Variants in TBC1D16 observed in about 807,000 individuals in gnomAD.
TBC1D16 encodes the protein TBC1 domain family member 16, also known as CTD-2529O21.1.
In TBC1D16, 58 loss-of-function variants were observed where a neutral mutation model predicts 74.7. The ratio of observed to expected loss-of-function variants is 0.78; its 90% CI spans 0.63 to 0.97. The LOEUF (loss-of-function observed/expected upper bound fraction) is 0.97, where lower values mean the gene tolerates loss of function less well. TBC1D16 is among the 50% of genes least tolerant of loss of function. The probability of loss-of-function intolerance (pLI) is 0.00; values close to 1 mark genes in which losing one functional copy is unlikely to be tolerated. For synonymous variants in TBC1D16, 493 were observed against 474.7 expected (o/e 1.04, Z -0.50); for missense variants, 1,014 against 1,079.5 (o/e 0.94, Z 0.85).
In TBC1D16 at chr17:79,951,731, T is replaced by G. The variant is rs566127726; in HGVS notation, c.942-134A>C. On this transcript the variant is annotated intron_variant, in intron 4 of 11. Coordinates refer to ENST00000310924, the MANE Select transcript of TBC1D16 (RefSeq NM_019020.4). Reference sequence around the variant, plus strand: ...AACAGTGAGTCCCAGTGGAGTTGGCTGCTAGCGGGAGGGGACAGAACTACA... The same window carrying G: ...AACAGTGAGTCCCAGTGGAGTTGGCGGCTAGCGGGAGGGGACAGAACTACA... 1.9e-5 allele frequency: 21 copies of G among 1,104,038 alleles called. No homozygotes were observed. In the Admixed American group the frequency reaches 2.3e-4, roughly 12 times the overall value. The allele number at this position is 1,104,038 out of a possible 1,614,324, so 68.4% of individuals were successfully genotyped here. A position where few individuals can be genotyped will look rare whatever the true frequency, so the allele number is the denominator to read the frequency against.
intron 3 of TBC1D16, among the ~76,000 whole-genome samples, chr17:79,960,776 AC>A (rs112420611): frequency 1.8e-5 from 2 of 109,168 alleles, no homozygotes; most frequent in Non-Finnish European, 3.7e-5. Flanking sequence ...AAAAACAAAA[AC>A]CCAAAAAAAA....
chr17:79,949,805 G>A lies in TBC1D16; in HGVS notation c.1318C>T (p.Arg440Cys). The change falls in exon 7 of 12, where the codon CGC becomes TGC. Residue 440 changes from arginine to cysteine, a missense_variant. Physicochemically the swap from Arg to Cys is radical, Grantham distance 180. Coordinates refer to ENST00000310924, the MANE Select transcript of TBC1D16 (RefSeq NM_019020.4). ...IRGEVWPFLL[R>C]YYSHESTSEE... ...GACGTGGACTCGTGGCTGTAATAGC[G>A]CAGCAGGAAGGGCCAGACCTCCCCG... 6.2e-7 allele frequency: 1 copy of A among 1,613,806 alleles called. No homozygotes were observed. The highest frequency in any genetic ancestry group is 8.5e-7 in the Non-Finnish European group (1 of 1,179,972).
At position 79,950,028 on chromosome 17, in the gene TBC1D16, T is replaced by C. The variant is rs996294563; in HGVS notation, c.1258-163A>G. On this transcript the variant is annotated intron_variant, in intron 6 of 11. Coordinates refer to ENST00000310924, the MANE Select transcript of TBC1D16 (RefSeq NM_019020.4). This position sits in a 1 kb window ranked among gnomAD's most constrained non-coding sequence, Gnocchi z 4.6. Reference sequence around the variant, plus strand: ...GGAAAGCAGTGGCCTTCAATTCCCATACAGGACACAAACCCGGCTCATTTC... The same window carrying C: ...GGAAAGCAGTGGCCTTCAATTCCCACACAGGACACAAACCCGGCTCATTTC... Among the ~76,000 whole-genome samples, 2 of 152,172 alleles carry C rather than the reference T, an allele frequency of 1.3e-5. No homozygotes were observed. Among genetic ancestry groups the C allele is most frequent in the African/African-American group, 2.4e-5 (1 of 41,442 alleles).
Position 79,950,248 on chromosome 17 carries a change from T to G in TBC1D16, c.1257+163A>C, listed in dbSNP as rs2032936168. 6.6e-6 allele frequency among the ~76,000 whole-genome samples: 1 copy of G among 152,140 alleles called. No individual in the cohort carries two copies. The highest frequency in any genetic ancestry group is 1.5e-5 in the Non-Finnish European group (1 of 68,004). On this transcript the variant is annotated intron_variant, in intron 6 of 11. Coordinates refer to ENST00000310924, the MANE Select transcript of TBC1D16 (RefSeq NM_019020.4). This position sits in a 1 kb window ranked among gnomAD's most constrained non-coding sequence, Gnocchi z 4.6. ...CAACGCAGCAGCTTTGATTGCTTTA[T>G]CGGTGTGTTCACAGAGAGCCTCACA... is the stretch of plus-strand genomic sequence containing the variant.
rs1298104856 is a variant in TBC1D16 at position 80,010,748 on chromosome 17, C to G, written c.191G>C (p.Cys64Ser). 6.7e-7 allele frequency: 1 copy of G among 1,492,558 alleles called. No homozygotes were observed. The highest frequency in any genetic ancestry group is 1.4e-5 in the African/African-American group (1 of 71,440). The allele number at this position is 1,492,558 out of a possible 1,614,324, so 92.5% of individuals were successfully genotyped here. Residue 64 changes from cysteine (C) to serine (S), a missense_variant, in exon 3 of 12, where the codon TGC becomes TCC. Coordinates refer to ENST00000310924, the MANE Select transcript of TBC1D16 (RefSeq NM_019020.4). This position sits in a 1 kb window ranked among gnomAD's most constrained non-coding sequence, Gnocchi z 8.8. ...GLGEHHPGYL[C>S]LYMEKDEMLG... ...CATCTCATCCTTCTCCATGTACAAG[C>G]ACAGGTAACCTGTGAGGAGCCAGGG...
At position 79,934,836 on chromosome 17, in the gene TBC1D16, C is replaced by A; in HGVS notation, c.*6023G>T. On this transcript the variant is annotated 3_prime_UTR_variant, in exon 12 of 12. Coordinates refer to ENST00000310924, the MANE Select transcript of TBC1D16 (RefSeq NM_019020.4). ...TAAGAGGTATGTTCCCCTCCAGCCC[C>A]CGCCCCCAGGCAAAAGGGGAAAAGA... The A allele has an allele frequency of 6.6e-6, 1 of 152,574 alleles. No individual in the cohort carries two copies. 9.5% of individuals were successfully genotyped at this position (152,574 alleles called of 1,614,324 possible). A position where few individuals can be genotyped will look rare whatever the true frequency, so the allele number is the denominator to read the frequency against.
Position 79,952,699 on chromosome 17 carries a change from C to T in TBC1D16, c.899G>A (p.Arg300His), listed in dbSNP as rs760596832. Reference protein sequence around the residue: ...CALEQICGVFRVDLGHMRSLR... With the variant: ...CALEQICGVFHVDLGHMRSLR... ...GGAGCGCATGTGGCCCAGGTCCACG[C>T]GGAACACGCCGCAAATCTGCTCCAG... The change falls in exon 4 of 12, where the codon CGC becomes CAC. Residue 300 changes from arginine to histidine, a missense_variant. Coordinates refer to ENST00000310924, the MANE Select transcript of TBC1D16 (RefSeq NM_019020.4). 2.8e-5 allele frequency: 45 copies of T among 1,610,182 alleles called. No homozygotes were observed. The highest frequency in any genetic ancestry group is 5.5e-5 in the South Asian group (5 of 90,898).
intron 1 of TBC1D16, chr17:80,025,723 TCCA>T (rs1416699028): frequency 6.8e-6 from 1 of 146,260 alleles, no homozygotes. Context: ...TGACTTCTGG[TCCA>T]CTTCTGTCCC....
intron 3 of TBC1D16, among the ~76,000 whole-genome samples, chr17:79,966,082 C>A (rs1221025689): frequency 2.0e-5 from 3 of 152,198 alleles, no homozygotes; most frequent in Admixed American, 2.0e-4. Flanking sequence ...GTCTAGGAGA[C>A]TCCTCCTTTG....
rs530091427 is a variant in TBC1D16 at position 80,008,198 on chromosome 17, G to A, written c.779+1962C>T. ...TGAAGAACCAGCAAGGCGAAGGGCG[G>A]GGAAAAGCGAACCGGGGTGCATTCT... On this transcript the variant is annotated intron_variant, in intron 3 of 11. Transcript: ENST00000310924. This position sits in a 1 kb window ranked among gnomAD's most constrained non-coding sequence, Gnocchi z 4.5. Among the ~76,000 whole-genome samples the A allele has an allele frequency of 6.6e-5, 10 of 152,064 alleles. No homozygotes were observed. Among genetic ancestry groups the A allele is most frequent in the Non-Finnish European group, 1.2e-4 (8 of 68,026 alleles).
intron 3 of TBC1D16, among the ~76,000 whole-genome samples, chr17:79,964,588 T>C (rs2033764712): frequency 6.6e-6 from 1 of 152,216 alleles, no homozygotes. Flanking sequence ...GACGGCTCCA[T>C]GAGTGTATAT....
chr17:79,941,920 C>G lies in TBC1D16; in HGVS notation c.2055+140G>C, dbSNP rs145968977. On this transcript the variant is annotated intron_variant, in intron 11 of 11. Coordinates refer to ENST00000310924, the MANE Select transcript of TBC1D16 (RefSeq NM_019020.4). This position sits in a 1 kb window ranked among gnomAD's most constrained non-coding sequence, Gnocchi z 4.3. The stretch of plus-strand genomic sequence containing the variant: ...CCAGTGCTATGGGTGGGGGAGGGCA[C>G]GTGCTGGGGGGCCATGGTGGGGATG... The G allele has an allele frequency of 1.4e-6, 1 of 723,590 alleles. No individual in the cohort carries two copies. Among genetic ancestry groups the G allele is most frequent in the African/African-American group, 1.9e-5 (1 of 52,736 alleles). 44.8% of individuals were successfully genotyped at this position (723,590 alleles called of 1,614,324 possible).
At chr17:80,005,167 C>T (rs2035628193) in intron 3 of TBC1D16, among the ~76,000 whole-genome samples, 1 of 152,228 alleles carries the variant, frequency 6.6e-6, no homozygotes, top group South Asian at 2.1e-4. Flanking sequence ...GCAGCCTCCA[C>T]CTCCCAGGCT....
rs75341126 is a variant in TBC1D16, at chr17:79,981,052, T to C, written c.780-28234A>G. On this transcript the variant is annotated intron_variant, in intron 3 of 11. Transcript: ENST00000310924. This position sits in a 1 kb window ranked among gnomAD's most constrained non-coding sequence, Gnocchi z 6.9. ...TTTGATAAGACCTTGGCTACTCATT[T>C]ATATTCATTTAAATTCCATCCACAC... Among the ~76,000 whole-genome samples the C allele has an allele frequency of 6.4e-3, 975 of 152,380 alleles. 1 individual carries two copies. The highest frequency in any genetic ancestry group is 9.5e-3 in the Non-Finnish European group (649 of 68,038).
In TBC1D16 at chr17:80,010,666, G is replaced by A. The variant is rs1388843856; in HGVS notation, c.273C>T (p.Asp91=). The A allele has an allele frequency of 6.5e-6, 10 of 1,535,292 alleles. No homozygotes were observed. The South Asian group carries it at 1.2e-4, about 18-fold the overall frequency. The change falls in exon 3 of 12, where the codon GAC becomes GAT. Residue 91 remains aspartate, a synonymous_variant. Transcript: ENST00000310924. This position sits in a 1 kb window ranked among gnomAD's most constrained non-coding sequence, Gnocchi z 8.8. Reference sequence around the variant, plus strand: ...GTGTGATGTAGCGCAGGGCCTCCTCGTCCTGCCTCTGGATGCGAGAGTTGG... The same window carrying A: ...GTGTGATGTAGCGCAGGGCCTCCTCATCCTGCCTCTGGATGCGAGAGTTGG... ...WVPNSRIQRQ[D]EEALRYITPE...
intron 3 of TBC1D16, among the ~76,000 whole-genome samples, chr17:79,984,252 C>T (rs912905488): frequency 6.6e-6 from 1 of 152,078 alleles, no homozygotes; most frequent in Non-Finnish European, 1.5e-5. Context: ...AGTGATGCTC[C>T]CACCTCAGTC....
rs1321305447 is a variant in TBC1D16 at position 79,993,873 on chromosome 17, G to A, written c.779+16287C>T. Among the ~76,000 whole-genome samples the A allele has an allele frequency of 1.3e-5, 2 of 152,176 alleles. No homozygotes were observed. The highest frequency in any genetic ancestry group is 2.4e-5 in the African/African-American group (1 of 41,438). The stretch of plus-strand genomic sequence containing the variant: ...CAGCTCAGCCCCTCGAGAGCACCAG[G>A]AGCCCCCAGCCCCCATGCAACCACC... On this transcript the variant is annotated intron_variant, in intron 3 of 11. Transcript: ENST00000310924. This position sits in a 1 kb window ranked among gnomAD's most constrained non-coding sequence, Gnocchi z 5.1.
chr17:79,949,984 T>C, intron 6 of TBC1D16, 119 bp from the exon 7 acceptor site: 1 of 1,244,750 alleles, frequency 8.0e-7, no homozygotes, highest in Non-Finnish European at 1.1e-6. Flanking sequence ...ATCTCTGCAA[T>C]TTGCACATAT....
intron 1 of TBC1D16, among the ~76,000 whole-genome samples, chr17:80,018,852 C>T (rs548119586): frequency 1.3e-5 from 2 of 150,170 alleles, no homozygotes; most frequent in Admixed American, 6.6e-5. Flanking sequence ...CCTCCTGCCT[C>T]AGCCTTCCAA....
Sources: allele counts gnomAD v4.1 joint callset (sites outside exome capture counted in the v4.1 genomes callset), GRCh38; gene constraint gnomAD v4.1.1; non-coding constraint Gnocchi (gnomAD v3.1); transcripts MANE v1.5; gene names NCBI Gene and HGNC (gene_info 2026-07-23, HGNC 2026-07-21).